PITPNC1: variants seen among roughly 807,000 people sequenced by gnomAD.
PITPNC1 encodes the protein cytoplasmic phosphatidylinositol transfer protein 1.
A neutral mutation model predicts 44.7 loss-of-function variants in PITPNC1; 18 were observed. The ratio of observed to expected loss-of-function variants is 0.40; its 90% CI spans 0.28 to 0.60. PITPNC1 has a LOEUF of 0.60. PITPNC1 is among the 20% of genes least tolerant of loss of function. PITPNC1 has a pLI of 0.39. For missense variants in PITPNC1, 290 were observed against 418.4 expected (o/e 0.69, Z 2.68); for synonymous variants, 141 against 149.6 (o/e 0.94, Z 0.42).
At chr17:67,532,034 C>A (rs1199633641) in intron 1 of PITPNC1, among the ~76,000 whole-genome samples, 1 of 152,122 alleles carries the variant, frequency 6.6e-6, no homozygotes, top group Non-Finnish European at 1.5e-5. Flanking sequence ...GAAAAAAGGA[C>A]AGAAAATGTT....
At chr17:67,408,721 C>CTTTCTTT (rs1567978435) in intron 1 of PITPNC1, 4 of 98,954 alleles carry the variant, frequency 4.0e-5, no homozygotes, top group African/African-American at 1.2e-4. Context: ...TTCCTTCCTT[C>CTTTCTTT]CTTCCTTCCT....
chr17:67,633,410 C>T (rs2041994477), intron 6 of PITPNC1, among the ~76,000 whole-genome samples: 2 of 152,310 alleles, frequency 1.3e-5, no homozygotes, highest in Admixed American at 6.5e-5. Flanking sequence ...GGGTTCATTT[C>T]GGTATAAAAG....
chr17:67,482,790 A>T (rs894522947), intron 1 of PITPNC1, among the ~76,000 whole-genome samples: 4 of 152,212 alleles, frequency 2.6e-5, no homozygotes, highest in African/African-American at 9.7e-5. Flanking sequence ...AATTGTGCTT[A>T]TTCTAGGAAT....
intron 5 of PITPNC1, among the ~76,000 whole-genome samples, chr17:67,615,661 T>C (rs576636195): frequency 2.0e-4 from 31 of 152,234 alleles, no homozygotes; most frequent in African/African-American, 7.5e-4. Context: ...GGCTGGCCCG[T>C]GAGTGTCTCC....
chr17:67,459,116 T>TC (rs1227732703), intron 1 of PITPNC1, among the ~76,000 whole-genome samples: 13 of 137,868 alleles, frequency 9.4e-5, no homozygotes, highest in African/African-American at 3.6e-4. Flanking sequence ...TCTTTTTCTT[T>TC]TTTTTTTTTT....
intron 5 of PITPNC1, among the ~76,000 whole-genome samples, chr17:67,617,807 C>T (rs1424520421): frequency 6.6e-6 from 1 of 152,118 alleles, no homozygotes; most frequent in Non-Finnish European, 1.5e-5. Context: ...TGTGTCCTCT[C>T]CTCTTCACAT....
At chr17:67,472,550 G>A (rs1053381041) in intron 1 of PITPNC1, among the ~76,000 whole-genome samples, 1 of 151,390 alleles carries the variant, frequency 6.6e-6, no homozygotes, top group Non-Finnish European at 1.5e-5. Flanking sequence ...AGGAGGCTGA[G>A]GCAGGAGAAT....
chr17:67,601,554 C>T (rs1256636990), intron 5 of PITPNC1, among the ~76,000 whole-genome samples: 1 of 151,722 alleles, frequency 6.6e-6, no homozygotes, highest in African/African-American at 2.4e-5. Flanking sequence ...AACTCAAGAC[C>T]AGCCTGGACA....
At chr17:67,671,671 C>T (rs1457882571) in intron 7 of PITPNC1, among the ~76,000 whole-genome samples, 3 of 152,140 alleles carry the variant, frequency 2.0e-5, no homozygotes, top group Non-Finnish European at 4.4e-5. Context: ...CTTTCCCGTG[C>T]TCCAGAACCC....
At chr17:67,681,958 G>A (rs1416757811) in intron 8 of PITPNC1, among the ~76,000 whole-genome samples, 13 of 152,124 alleles carry the variant, frequency 8.5e-5, no homozygotes, top group African/African-American at 2.4e-4. Flanking sequence ...AACACTTTGG[G>A]AGACCGAGGC....
rs755171877 is a variant in PITPNC1 at position 67,378,213 on chromosome 17, C to CGCCCG, written c.48+20_48+24dup. ...CTCACCGTAGACGAGGTAAGCGCCG[C>CGCCCG]GCCCGGCCCGGCCTCGCCCGCTCCG... is the stretch of plus-strand genomic sequence containing the variant. On this transcript the variant is annotated intron_variant, in intron 1 of 8. Transcript: ENST00000581322. 6 of 1,517,466 alleles carry CGCCCG rather than the reference C, an allele frequency of 4.0e-6. No individual in the cohort carries two copies. Among genetic ancestry groups the CGCCCG allele is most frequent in the South Asian group, 1.2e-5 (1 of 81,148 alleles). The allele number at this position is 1,517,466 out of a possible 1,614,324, so 94.0% of individuals were successfully genotyped here.
chr17:67,552,805 CA>C (rs10601654), intron 3 of PITPNC1, among the ~76,000 whole-genome samples: 5,660 of 63,440 alleles, frequency 0.089, 96 homozygotes, highest in Middle Eastern at 0.15. Flanking sequence ...GAGACTCCGT[CA>C]AAAAAAAAAA....
rs1160522771 is a variant in PITPNC1 at position 67,425,193 on chromosome 17, G to GCGCGCGCGCGCGCGCGCA, written c.48+46992_48+46993insGCGCGCGCGCGCGCGCAC. On this transcript the variant is annotated intron_variant, in intron 1 of 8. Coordinates refer to ENST00000581322, the MANE Select transcript of PITPNC1 (RefSeq NM_012417.4). Reference sequence around the variant, plus strand: ...AAATAAACAGCCATGTTGTGCGCGCGCACGCACACGCACACACACACACAC... The same window carrying GCGCGCGCGCGCGCGCGCA: ...AAATAAACAGCCATGTTGTGCGCGCGCGCGCGCGCGCGCGCGCACACGCACACGCACACACACACACAC... 3.8e-4 allele frequency among the ~76,000 whole-genome samples: 20 copies of GCGCGCGCGCGCGCGCGCA among 52,120 alleles called. 2 individuals are homozygous for GCGCGCGCGCGCGCGCGCA. The highest frequency in any genetic ancestry group is 0.018 in the Middle Eastern group (2 of 110). The allele number at this position is 52,120 out of a possible 152,430, so 34.2% of individuals were successfully genotyped here.
At chr17:67,425,462 T>C (rs1394222119) in intron 1 of PITPNC1, among the ~76,000 whole-genome samples, 1 of 150,662 alleles carries the variant, frequency 6.6e-6, no homozygotes, top group East Asian at 1.9e-4. Flanking sequence ...ACTCTTTCTC[T>C]CCCTTCCCCT....
chr17:67,588,588 A>G (rs987519205), intron 5 of PITPNC1, among the ~76,000 whole-genome samples: 8 of 152,100 alleles, frequency 5.3e-5, no homozygotes, highest in Non-Finnish European at 1.0e-4. Context: ...CTCGGTTATC[A>G]CATCAAAAGA....
intron 1 of PITPNC1, among the ~76,000 whole-genome samples, chr17:67,502,297 T>C (rs1281572542): frequency 1.3e-5 from 2 of 151,658 alleles, no homozygotes; most frequent in South Asian, 2.1e-4. Context: ...TTTTTTTTTT[T>C]AGGCCACTAG....
At chr17:67,410,680 G>C (rs149952992) in intron 1 of PITPNC1, among the ~76,000 whole-genome samples, 1 of 151,222 alleles carries the variant, frequency 6.6e-6, no homozygotes, top group African/African-American at 2.4e-5. Flanking sequence ...GCCACCAACC[G>C]CACGGGCCTG....
chr17:67,632,941 A>C (rs2041989669), intron 6 of PITPNC1, among the ~76,000 whole-genome samples: 1 of 152,170 alleles, frequency 6.6e-6, no homozygotes, highest in Non-Finnish European at 1.5e-5. Flanking sequence ...AACAGCAAGC[A>C]CCTTAATGAG....
intron 8 of PITPNC1, among the ~76,000 whole-genome samples, chr17:67,680,371 G>A (rs567750056): frequency 3.9e-5 from 6 of 152,136 alleles, no homozygotes; most frequent in Non-Finnish European, 8.8e-5. Flanking sequence ...AGGCCAAGGC[G>A]GGCAGATCAC....
Sources: allele counts gnomAD v4.1 joint callset (sites outside exome capture counted in the v4.1 genomes callset), GRCh38; gene constraint gnomAD v4.1.1; transcripts MANE v1.5; gene names NCBI Gene and HGNC (gene_info 2026-07-23, HGNC 2026-07-21).